The following RBFOX3 variants were observed in gnomAD, a reference collection of about 807,000 sequenced individuals.
RBFOX3 encodes RNA binding fox-1 homolog 3.
A neutral mutation model predicts 48.7 loss-of-function variants in RBFOX3; 17 were observed. That is an observed-to-expected ratio of 0.35 (90% CI 0.24 to 0.52). The LOEUF (loss-of-function observed/expected upper bound fraction) is 0.52, where lower values mean the gene tolerates loss of function less well. Ranked by LOEUF, RBFOX3 falls within the 20% of genes least tolerant of loss-of-function variation. RBFOX3 has a pLI of 0.94. For synonymous variants in RBFOX3, 212 were observed against 209.5 expected (o/e 1.01, Z -0.10); for missense variants, 382 against 497.5 (o/e 0.77, Z 2.21).
At chr17:79,170,529 G>A (rs1037618293) in intron 4 of RBFOX3, among the ~76,000 whole-genome samples, 3 of 152,060 alleles carry the variant, frequency 2.0e-5, no homozygotes, top group Non-Finnish European at 2.9e-5. Flanking sequence ...CATCCACCAC[G>A]CGTCTGCACC....
At chr17:79,208,350 C>A (rs1016860694) in intron 4 of RBFOX3, 1 of 152,374 alleles carries the variant, frequency 6.6e-6, no homozygotes, top group Admixed American at 6.5e-5. Flanking sequence ...GCCTGGAAAC[C>A]AAAGGGGCTC....
intron 3 of RBFOX3, among the ~76,000 whole-genome samples, chr17:79,256,383 C>T (rs1023990655): frequency 3.9e-5 from 6 of 152,208 alleles, no homozygotes; most frequent in African/African-American, 1.4e-4. Context: ...CGGCCACCGG[C>T]TCCGGGAGCT....
chr17:79,139,676 T>C (rs539630113), intron 4 of RBFOX3, among the ~76,000 whole-genome samples: 12 of 152,224 alleles, frequency 7.9e-5, no homozygotes, highest in African/African-American at 2.9e-4. Context: ...AATGGGACAA[T>C]TCTTTCCTAC....
chr17:79,544,852 A>G (rs2090180804), intron 1 of RBFOX3, among the ~76,000 whole-genome samples: 1 of 151,736 alleles, frequency 6.6e-6, no homozygotes, highest in Non-Finnish European at 1.5e-5. Flanking sequence ...TCTCCAAGAG[A>G]ACTCCCTCCC....
At chr17:79,259,776 C>T (rs1261736793) in intron 3 of RBFOX3, among the ~76,000 whole-genome samples, 5 of 152,140 alleles carry the variant, frequency 3.3e-5, no homozygotes, top group Non-Finnish European at 7.4e-5. Flanking sequence ...CCCCGCATCT[C>T]AGGGTCACAG....
chr17:79,596,705 C>A (rs2093578690), intron 1 of RBFOX3, among the ~76,000 whole-genome samples: 1 of 144,234 alleles, frequency 6.9e-6, no homozygotes, highest in African/African-American at 2.7e-5. Context: ...CAGCCCAATA[C>A]GGGAGATGGA....
At chr17:79,256,876 T>C (rs2064946700) in intron 3 of RBFOX3, among the ~76,000 whole-genome samples, 1 of 151,660 alleles carries the variant, frequency 6.6e-6, no homozygotes, top group Admixed American at 6.6e-5. Context: ...GAGCCGAGAT[T>C]GTGCCACTGC....
At chr17:79,382,912 C>T (rs2147968526) in intron 2 of RBFOX3, among the ~76,000 whole-genome samples, 1 of 152,228 alleles carries the variant, frequency 6.6e-6, no homozygotes, top group East Asian at 1.9e-4. Context: ...GTGGGGAGGC[C>T]AGGGTGACTA....
At chr17:79,577,755 C>T (rs1430001112) in intron 1 of RBFOX3, among the ~76,000 whole-genome samples, 5 of 152,204 alleles carry the variant, frequency 3.3e-5, no homozygotes, top group African/African-American at 1.2e-4. Flanking sequence ...CTGGAAAACC[C>T]AAAGGAGAAG....
At chr17:79,589,744 A>C (rs894499474) in intron 1 of RBFOX3, among the ~76,000 whole-genome samples, 151,957 of 152,114 alleles carry the variant, frequency 1, 75,900 homozygotes, top group East Asian at 1. Context: ...CCTCCACACA[A>C]CCCAATACCC....
chr17:79,460,132 A>G (rs1229555512), intron 2 of RBFOX3, among the ~76,000 whole-genome samples: 1 of 152,204 alleles, frequency 6.6e-6, no homozygotes, highest in East Asian at 1.9e-4. Flanking sequence ...TAATGAGTAC[A>G]GGATCTCCTT....
chr17:79,463,034 A>ACCATCGCCACTGCCACCTCCACCG (rs1366327988), intron 2 of RBFOX3, among the ~76,000 whole-genome samples: 125 of 117,736 alleles, frequency 1.1e-3, no homozygotes, highest in African/African-American at 3.6e-3. Context: ...CACCTCCACC[A>ACCATCGCCACTGCCACCTCCACCG]CCATCGCCAC....
chr17:79,435,648 T>G (rs1217666038), intron 2 of RBFOX3, among the ~76,000 whole-genome samples: 1 of 152,196 alleles, frequency 6.6e-6, no homozygotes. Flanking sequence ...GTCCCCGGGC[T>G]CAGGCCCGGG....
chr17:79,380,660 C>T (rs2059790729), intron 2 of RBFOX3, among the ~76,000 whole-genome samples: 1 of 152,168 alleles, frequency 6.6e-6, no homozygotes. Context: ...TCGTGGGGCA[C>T]CAGCTTTGCA....
At chr17:79,586,654 TC>T (rs2093259362) in intron 1 of RBFOX3, among the ~76,000 whole-genome samples, 3 of 152,214 alleles carry the variant, frequency 2.0e-5, no homozygotes. Context: ...GGTGAGATCT[TC>T]CGTTTGATTT....
At chr17:79,640,503 G>C in the RBFOX3 span, among the ~76,000 whole-genome samples, 1 of 152,092 alleles carries the variant, frequency 6.6e-6, no homozygotes, top group African/African-American at 2.4e-5. Context: ...GAATAGCCAA[G>C]CAATTTTGAA....
At chr17:79,137,999 C>T (rs939043138) in intron 4 of RBFOX3, among the ~76,000 whole-genome samples, 1 of 152,164 alleles carries the variant, frequency 6.6e-6, no homozygotes, top group African/African-American at 2.4e-5. Flanking sequence ...CTTGCACAGG[C>T]GGAGGCACAT....
chr17:79,561,785 A>G lies in RBFOX3; in HGVS notation c.-320+49041T>C, dbSNP rs1023960782. Among the ~76,000 whole-genome samples, 1,209 of 152,270 alleles carry G rather than the reference A, an allele frequency of 7.9e-3. 17 individuals carry two copies. Among genetic ancestry groups the G allele is most frequent in the African/African-American group, 0.028 (1,149 of 41,552 alleles). On this transcript the variant is annotated intron_variant, in intron 1 of 14. Coordinates refer to ENST00000693108, the MANE Select transcript of RBFOX3 (RefSeq NM_001350451.2). ...TCACCTCTTCCCAAGAGAGGGGCAC[A>G]TGAGGGTAGGGACTTAGACCCAAAG... is the stretch of plus-strand genomic sequence containing the variant.
intron 1 of RBFOX3, among the ~76,000 whole-genome samples, chr17:79,500,831 G>A (rs2082287992): frequency 6.6e-6 from 1 of 152,184 alleles, no homozygotes; most frequent in Non-Finnish European, 1.5e-5. Context: ...TGACGTTGAG[G>A]GCAGGTGGGC....
Sources: gnomAD v4.1 joint callset for allele counts (sites outside exome capture counted in the v4.1 genomes callset) on GRCh38, gnomAD v4.1.1 for gene constraint, MANE v1.5 for transcripts, NCBI Gene and HGNC (gene_info 2026-07-23, HGNC 2026-07-21) for gene names.